The following MYBPC1 variants were observed in gnomAD, a reference collection of about 807,000 sequenced individuals.
MYBPC1 encodes myosin binding protein C1, also known as myosin-binding protein C, slow-type.
Under a neutral mutation model 147.1 loss-of-function variants are expected in MYBPC1, and 52 were observed. The ratio of observed to expected loss-of-function variants is 0.35; its 90% CI spans 0.28 to 0.45. The LOEUF (loss-of-function observed/expected upper bound fraction) is 0.45. MYBPC1 is among the 20% of genes least tolerant of loss of function. The pLI is 1.00. For missense variants in MYBPC1, 1,228 were observed against 1,440.3 expected, an observed-to-expected ratio of 0.85 and a Z score of 2.39; for synonymous variants, 477 against 475.9, an observed-to-expected ratio of 1.00 and a Z score of -0.03.
chr12:101,648,687 T>G (rs1171410310), intron 14 of MYBPC1, among the ~76,000 whole-genome samples: 3 of 152,234 alleles, frequency 2.0e-5, no homozygotes, highest in Admixed American at 1.3e-4. Flanking sequence ...ATTTTCATAG[T>G]ACCTCAGGGG....
At chr12:101,650,152 G>A (rs1459915113) in intron 15 of MYBPC1, among the ~76,000 whole-genome samples, 1 of 152,146 alleles carries the variant, frequency 6.6e-6, no homozygotes, top group East Asian at 1.9e-4. Flanking sequence ...ATCCTTATCT[G>A]ATATTTGTAT....
Position 101,652,759 on chromosome 12 carries a change from T to C in MYBPC1, c.1608T>C (p.Thr536=). 1 of 1,613,530 alleles carries C rather than the reference T, an allele frequency of 6.2e-7. No individual in the cohort carries two copies. Among genetic ancestry groups the C allele is most frequent in the Non-Finnish European group, 8.5e-7 (1 of 1,179,440 alleles). Residue 536 remains threonine (T), a synonymous_variant, in exon 17 of 32, where the codon ACT becomes ACC. Coordinates refer to ENST00000361466, the MANE Select transcript of MYBPC1 (RefSeq NM_002465.4). ...YVFAPDAYNV[T]LPAKVHVIDP... Reference sequence around the variant, plus strand: ...TTGCACCTGATGCCTACAATGTTACTCTGCCTGCCAAAGTTCATGTTATTG... The same window carrying C: ...TTGCACCTGATGCCTACAATGTTACCCTGCCTGCCAAAGTTCATGTTATTG...
chr12:101,600,229 CAT>C (rs922779962), intron 1 of MYBPC1: 10 of 151,884 alleles, frequency 6.6e-5, no homozygotes, highest in African/African-American at 2.4e-4. Flanking sequence ...GGGTGGAAAA[CAT>C]GAAGAACTTA....
At chr12:101,629,984 C>A (rs1203224406) in intron 6 of MYBPC1, among the ~76,000 whole-genome samples, 2 of 152,154 alleles carry the variant, frequency 1.3e-5, no homozygotes, top group African/African-American at 4.8e-5. Context: ...CTACTTCTAT[C>A]TATTTCTAAA....
chr12:101,627,958 A>C, intron 5 of MYBPC1, 154 bp downstream of exon 5: 1 of 881,206 alleles, frequency 1.1e-6, no homozygotes, highest in Admixed American at 2.1e-5. Context: ...CAAGAAAACT[A>C]ATGTATTGAG....
At chr12:101,601,805 C>T (rs547798123) in intron 1 of MYBPC1, among the ~76,000 whole-genome samples, 166 of 152,106 alleles carry the variant, frequency 1.1e-3, no homozygotes, top group African/African-American at 3.7e-3. Flanking sequence ...TTCCTAAATA[C>T]TCTTTATAAA....
the MYBPC1 span, among the ~76,000 whole-genome samples, chr12:101,692,527 T>C: frequency 6.6e-6 from 1 of 152,230 alleles, no homozygotes; most frequent in African/African-American, 2.4e-5. Flanking sequence ...AACCTCACTG[T>C]GCTTCAATTT....
intron 20 of MYBPC1, among the ~76,000 whole-genome samples, chr12:101,661,896 C>CAAAAAAAAA (rs66873575): frequency 8.4e-5 from 7 of 83,118 alleles, no homozygotes; most frequent in Admixed American, 1.5e-4. Context: ...GACTCTGTCT[C>CAAAAAAAAA]AAAAAAAAAA....
At chr12:101,604,383 T>C (rs779715289) in intron 1 of MYBPC1, among the ~76,000 whole-genome samples, 4 of 152,216 alleles carry the variant, frequency 2.6e-5, no homozygotes, top group Non-Finnish European at 4.4e-5. Context: ...AAGGTACAAT[T>C]AGACTTCATC....
chr12:101,604,940 C>A (rs956461777), intron 1 of MYBPC1, among the ~76,000 whole-genome samples: 1 of 152,142 alleles, frequency 6.6e-6, no homozygotes, highest in Non-Finnish European at 1.5e-5. Flanking sequence ...TCTGGGTCAC[C>A]AAAATGCAGG....
At chr12:101,657,425 T>C (rs1895727459) in intron 18 of MYBPC1, among the ~76,000 whole-genome samples, 1 of 152,138 alleles carries the variant, frequency 6.6e-6, no homozygotes, top group Non-Finnish European at 1.5e-5. Context: ...TGGTTCTTTG[T>C]AAATATCAAT....
At chr12:101,654,596 T>G (rs1044192040) in intron 18 of MYBPC1, among the ~76,000 whole-genome samples, 6 of 152,276 alleles carry the variant, frequency 3.9e-5, no homozygotes, top group South Asian at 2.1e-4. Context: ...AGGAGAGAGC[T>G]GCACAGAGAG....
intron 20 of MYBPC1, 58 bp downstream of exon 20, chr12:101,661,320 A>AT: frequency 9.3e-7 from 1 of 1,077,880 alleles, no homozygotes; most frequent in Non-Finnish European, 1.4e-6. Context: ...CTCTTTACGC[A>AT]TCTTAGTACA....
At chr12:101,641,763 T>A (rs915356319) in intron 10 of MYBPC1, among the ~76,000 whole-genome samples, 8 of 151,944 alleles carry the variant, frequency 5.3e-5, no homozygotes, top group Non-Finnish European at 1.0e-4. Flanking sequence ...AGAAAAAAAA[T>A]TTTAAAACCA....
chr12:101,624,683 A>ATTTTTTTTT (rs57175970), intron 3 of MYBPC1, among the ~76,000 whole-genome samples: 4,936 of 98,942 alleles, frequency 0.05, 287 homozygotes, highest in Non-Finnish European at 0.067. Flanking sequence ...CGGCTAATTA[A>ATTTTTTTTT]TTTTTTTTTT....
intron 22 of MYBPC1, among the ~76,000 whole-genome samples, chr12:101,667,266 T>G (rs186008288): frequency 5.2e-5 from 7 of 134,542 alleles, no homozygotes; most frequent in African/African-American, 7.8e-5. Context: ...TGTCTTACAA[T>G]AGTAAATCAG....
chr12:101,640,340 C>T (rs2136159926), intron 10 of MYBPC1, among the ~76,000 whole-genome samples: 1 of 152,238 alleles, frequency 6.6e-6, no homozygotes, highest in South Asian at 2.1e-4. Flanking sequence ...TTGTGACTCT[C>T]CTAGACTTCC....
Position 101,626,112 on chromosome 12 carries a change from A to G in MYBPC1, c.104-760A>G, listed in dbSNP as rs1335546131. ...TCAAAAAAAAAAAAAAAAAAAAAAA[A>G]TTTATCCTTCTACTGAAGTTTTTAG... is the stretch of plus-strand genomic sequence containing the variant. On this transcript the variant is annotated intron_variant, in intron 3 of 31. Transcript: ENST00000361466. 3.4e-5 allele frequency among the ~76,000 whole-genome samples: 5 copies of G among 145,446 alleles called. No individual in the cohort carries two copies. In the East Asian group the frequency reaches 1.1e-3, roughly 31 times the overall value.
chr12:101,692,918 A>G, the MYBPC1 span, among the ~76,000 whole-genome samples: 3 of 151,974 alleles, frequency 2.0e-5, no homozygotes, highest in Non-Finnish European at 4.4e-5. Flanking sequence ...TGAGTAGTTT[A>G]AAAATGGTTT....
Sources: allele counts gnomAD v4.1 joint callset (sites outside exome capture counted in the v4.1 genomes callset), GRCh38; gene constraint gnomAD v4.1.1; transcripts MANE v1.5; gene names NCBI Gene and HGNC (gene_info 2026-07-23, HGNC 2026-07-21).